The following RBFOX1 variants were observed in gnomAD, a reference collection of about 807,000 sequenced individuals.
RBFOX1 encodes the protein RNA binding fox-1 homolog 1.
Under a neutral mutation model 57.7 loss-of-function variants are expected in RBFOX1, and 8 were observed. That is an observed-to-expected ratio of 0.14 (90% CI 0.08 to 0.25). The LOEUF (loss-of-function observed/expected upper bound fraction) is 0.25. Ranked by LOEUF, RBFOX1 falls within the 10% of genes least tolerant of loss-of-function variation. RBFOX1 has a pLI of 1.00. For missense variants in RBFOX1, 611 were observed against 548.5 expected, an observed-to-expected ratio of 1.11 and a Z score of -1.14; for synonymous variants, 326 against 222.4, an observed-to-expected ratio of 1.47 and a Z score of -4.15.
intron 4 of RBFOX1, among the ~76,000 whole-genome samples, chr16:5,968,354 T>A (rs950553103): frequency 2.6e-5 from 4 of 152,108 alleles, no homozygotes; most frequent in Admixed American, 2.6e-4. Context: ...GGATTACCGG[T>A]GTGAGCCACT....
intron 3 of RBFOX1, among the ~76,000 whole-genome samples, chr16:5,863,973 G>A (rs369581252): frequency 6.6e-6 from 1 of 152,144 alleles, no homozygotes; most frequent in African/African-American, 2.4e-5. Flanking sequence ...CTTGTGTCAT[G>A]AGGGTTTGTT....
At chr16:5,802,679 A>G (rs911414403) in intron 3 of RBFOX1, among the ~76,000 whole-genome samples, 6 of 152,230 alleles carry the variant, frequency 3.9e-5, no homozygotes, top group Non-Finnish European at 8.8e-5. Context: ...AGGGAAGAAC[A>G]CGATAGCTTG....
intron 2 of RBFOX1, among the ~76,000 whole-genome samples, chr16:6,570,045 C>G (rs2097323759): frequency 1.3e-5 from 2 of 152,200 alleles, no homozygotes; most frequent in Non-Finnish European, 1.5e-5. Flanking sequence ...GTATTGATAG[C>G]ATTTTGTTGT....
intron 3 of RBFOX1, among the ~76,000 whole-genome samples, chr16:5,706,595 T>G (rs1161900893): frequency 1.3e-5 from 2 of 152,236 alleles, no homozygotes; most frequent in Non-Finnish European, 2.9e-5. Flanking sequence ...ATGTTTGGCT[T>G]TTAATAATTA....
chr16:5,567,186 C>T (rs541414822), intron 2 of RBFOX1, among the ~76,000 whole-genome samples: 3 of 152,236 alleles, frequency 2.0e-5, no homozygotes, highest in Admixed American at 6.5e-5. Flanking sequence ...GAAAGATGCA[C>T]CATTTAGCTG....
At chr16:6,664,565 A>G (rs1331611232) in intron 3 of RBFOX1, among the ~76,000 whole-genome samples, 1 of 152,228 alleles carries the variant, frequency 6.6e-6, no homozygotes, top group African/African-American at 2.4e-5. Context: ...GCTGAGAAGC[A>G]GGGCTGTGCG....
At chr16:6,988,581 T>C (rs2090796704) in intron 3 of RBFOX1, among the ~76,000 whole-genome samples, 1 of 151,732 alleles carries the variant, frequency 6.6e-6, no homozygotes, top group Admixed American at 6.6e-5. Flanking sequence ...TTATTTTATT[T>C]TATTTATTTG....
chr16:6,086,350 A>G (rs1597164328), intron 1 of RBFOX1, among the ~76,000 whole-genome samples: 1 of 152,178 alleles, frequency 6.6e-6, no homozygotes, highest in Non-Finnish European at 1.5e-5. Context: ...CATCTCTCAC[A>G]TTTTTCATGC....
intron 3 of RBFOX1, among the ~76,000 whole-genome samples, chr16:5,839,390 T>C (rs2056556058): frequency 6.6e-6 from 1 of 152,216 alleles, no homozygotes; most frequent in Non-Finnish European, 1.5e-5. Flanking sequence ...TCTTGGTTTA[T>C]GGCCCTAATT....
chr16:7,187,430 C>G (rs2084133407), intron 4 of RBFOX1, among the ~76,000 whole-genome samples: 1 of 151,934 alleles, frequency 6.6e-6, no homozygotes, highest in South Asian at 2.1e-4. Context: ...TGGCTCACGC[C>G]TGTAATCCCA....
intron 3 of RBFOX1, among the ~76,000 whole-genome samples, chr16:6,756,850 C>T (rs2075867738): frequency 6.6e-6 from 1 of 152,004 alleles, no homozygotes; most frequent in Non-Finnish European, 1.5e-5. Context: ...TGGCAGACAC[C>T]TGTAGTCACA....
Position 6,797,803 on chromosome 16 carries a change from AAC to A in RBFOX1, c.-16+143157_-16+143158del, listed in dbSNP as rs1206314131. ...AATCCAATATCATTTGGTAAGAAGTAACACAACATTATGTCTGCAATCATGAG... is the reference window on the plus strand; with the variant it reads ...AATCCAATATCATTTGGTAAGAAGTAACAACATTATGTCTGCAATCATGAG... On this transcript the variant is annotated intron_variant, in intron 3 of 15. Transcript: ENST00000550418. 2.6e-5 allele frequency among the ~76,000 whole-genome samples: 4 copies of A among 152,168 alleles called. No individual in the cohort carries two copies. The East Asian group carries it at 7.7e-4, about 29-fold the overall frequency.
chr16:7,579,721 G>A lies in RBFOX1; in HGVS notation c.271-56G>A, dbSNP rs185568948. On this transcript the variant is annotated intron_variant, in intron 5 of 15. Coordinates refer to ENST00000550418, the MANE Select transcript of RBFOX1 (RefSeq NM_018723.4). ...CACTCATGGCAAGCAAAAGAGCATC[G>A]GAAGAGAGCACTGTGGTCCACTGAG... The A allele has an allele frequency of 2.4e-3, 3,897 of 1,603,116 alleles. 8 individuals carry two copies. The highest frequency in any genetic ancestry group is 3.1e-3 in the Non-Finnish European group (3,582 of 1,171,456).
At chr16:7,452,215 C>A (rs2098872370) in intron 4 of RBFOX1, among the ~76,000 whole-genome samples, 1 of 152,208 alleles carries the variant, frequency 6.6e-6, no homozygotes, top group Non-Finnish European at 1.5e-5. Context: ...GATGAAATGT[C>A]AGACCTTTCA....
chr16:6,327,169 C>A (rs189429907), intron 2 of RBFOX1, among the ~76,000 whole-genome samples: 16 of 152,304 alleles, frequency 1.1e-4, no homozygotes, highest in Non-Finnish European at 1.0e-4. Context: ...CTGTGGTCAT[C>A]ATGGGCTTGT....
At chr16:7,619,305 A>T (rs1179241444) in intron 10 of RBFOX1, among the ~76,000 whole-genome samples, 2 of 152,104 alleles carry the variant, frequency 1.3e-5, no homozygotes, top group East Asian at 3.9e-4. Flanking sequence ...ATTCTCTTTC[A>T]TTTTTGAAAA....
At chr16:7,317,095 T>C (rs868553426) in intron 4 of RBFOX1, among the ~76,000 whole-genome samples, 57 of 151,934 alleles carry the variant, frequency 3.8e-4, no homozygotes, top group African/African-American at 1.4e-3. Context: ...GGAGACAAGA[T>C]AGAAAGCTGA....
chr16:5,368,292 G>C (rs531424653), intron 1 of RBFOX1, among the ~76,000 whole-genome samples: 31 of 152,218 alleles, frequency 2.0e-4, no homozygotes, highest in Admixed American at 4.6e-4. Flanking sequence ...TTCATCTCTA[G>C]GTTTTGTTCC....
chr16:7,273,064 C>T (rs1198967705), intron 4 of RBFOX1, among the ~76,000 whole-genome samples: 2 of 118,388 alleles, frequency 1.7e-5, no homozygotes, highest in Non-Finnish European at 3.4e-5. Flanking sequence ...CCCTCCTTCC[C>T]TCCCTCCTTC....
Sources: allele counts gnomAD v4.1 joint callset (sites outside exome capture counted in the v4.1 genomes callset), GRCh38; gene constraint gnomAD v4.1.1; transcripts MANE v1.5; gene names NCBI Gene and HGNC (gene_info 2026-07-23, HGNC 2026-07-21).